The following PID1 variants were observed in gnomAD, a reference collection of about 807,000 sequenced individuals.
PID1 encodes the protein phosphotyrosine interaction domain containing 1, also known as PTB-containing, cubilin and LRP1-interacting protein.
In PID1, 10 loss-of-function variants were observed where a neutral mutation model predicts 19.1. That is an observed-to-expected ratio of 0.52 (90% CI 0.32 to 0.89). The LOEUF is 0.89. PID1 is among the 40% of genes least tolerant of loss of function. The pLI is 0.03. For synonymous variants in PID1, 130 were observed against 116.0 expected (o/e 1.12, Z -0.78); for missense variants, 248 against 285.3 (o/e 0.87, Z 0.94).
At chr2:229,171,427 G>A (rs13035964) in intron 1 of PID1, among the ~76,000 whole-genome samples, 5,888 of 152,206 alleles carry the variant, frequency 0.039, 173 homozygotes, top group Middle Eastern at 0.078. Flanking sequence ...CTTTAGGAAG[G>A]TTAAACAAAA....
At chr2:229,096,184 G>C (rs770200859) in intron 2 of PID1, among the ~76,000 whole-genome samples, 15 of 152,122 alleles carry the variant, frequency 9.9e-5, no homozygotes, top group African/African-American at 1.4e-4. Context: ...CATTCATTTG[G>C]AGGTTGGATC....
intron 1 of PID1, among the ~76,000 whole-genome samples, chr2:229,209,086 T>C (rs910810669): frequency 1.3e-5 from 2 of 152,140 alleles, no homozygotes; most frequent in African/African-American, 2.4e-5. Context: ...TGTCAGACTG[T>C]CAAAGGTTTC....
At chr2:229,164,758 A>G (rs970884094) in intron 1 of PID1, among the ~76,000 whole-genome samples, 1 of 152,184 alleles carries the variant, frequency 6.6e-6, no homozygotes, top group African/African-American at 2.4e-5. Context: ...TCCTGCCTTG[A>G]AACAGTTTGC....
chr2:229,204,710 C>A (rs187872183), intron 1 of PID1, among the ~76,000 whole-genome samples: 1 of 152,008 alleles, frequency 6.6e-6, no homozygotes, highest in Non-Finnish European at 1.5e-5. Flanking sequence ...GGTCCTGATG[C>A]GGGGCTCAAC....
chr2:229,199,745 T>TATATATATATATATAC (rs1491155550), intron 1 of PID1, among the ~76,000 whole-genome samples: 13 of 122,542 alleles, frequency 1.1e-4, no homozygotes, highest in Non-Finnish European at 2.0e-4. Flanking sequence ...TATATATATA[T>TATATATATATATATAC]ACACATACAC....
intron 2 of PID1, among the ~76,000 whole-genome samples, chr2:229,145,972 T>C (rs1690121589): frequency 6.6e-6 from 1 of 152,216 alleles, no homozygotes; most frequent in Admixed American, 6.5e-5. Flanking sequence ...TTTTTCGATT[T>C]TTTAGTAGCT....
chr2:229,172,172 C>T (rs1264915464), intron 1 of PID1, among the ~76,000 whole-genome samples: 6 of 152,260 alleles, frequency 3.9e-5, no homozygotes, highest in African/African-American at 1.4e-4. Flanking sequence ...CTTTGAGTAA[C>T]AGCTAAAAGG....
intron 2 of PID1, among the ~76,000 whole-genome samples, chr2:229,137,692 G>A (rs566904847): frequency 1.5e-4 from 23 of 152,326 alleles, no homozygotes; most frequent in African/African-American, 5.5e-4. Flanking sequence ...ACTTAGAAGT[G>A]CACAGAATAG....
intron 2 of PID1, among the ~76,000 whole-genome samples, chr2:229,077,645 C>T (rs989129142): frequency 6.6e-6 from 1 of 152,146 alleles, no homozygotes; most frequent in African/African-American, 2.4e-5. Context: ...ATAGGTAATC[C>T]TCTCCCAATT....
chr2:229,179,481 G>T lies in PID1; in HGVS notation c.31-23517C>A, dbSNP rs1199310420. 4.6e-5 allele frequency among the ~76,000 whole-genome samples: 7 copies of T among 152,182 alleles called. No homozygotes were observed. In the East Asian group the frequency reaches 1.4e-3, roughly 29 times the overall value. On this transcript the variant is annotated intron_variant, in intron 1 of 2. Coordinates refer to ENST00000392055, the MANE Select transcript of PID1 (RefSeq NM_001100818.2). ...AACAGGAACACCAAAAAGAAAGAGA[G>T]AATTTGGAGGAAAAAAAACTACTCA...
rs60513006 is a variant in PID1, at chr2:229,134,231, G to GTTTTTTTTTTTTTTTTTTTTTTTTTTTT, written c.177+21586_177+21587insAAAAAAAAAAAAAAAAAAAAAAAAAAAA. On this transcript the variant is annotated intron_variant, in intron 2 of 2. Transcript: ENST00000392055. ...TTCAATAACAATGTTTACTACCTGT[G>GTTTTTTTTTTTTTTTTTTTTTTTTTTTT]TTTTTTTTTTTTTTTTTTTTTGAGA... 6.0e-4 allele frequency among the ~76,000 whole-genome samples: 66 copies of GTTTTTTTTTTTTTTTTTTTTTTTTTTTT among 109,192 alleles called. 2 individuals carry two copies. Among genetic ancestry groups the GTTTTTTTTTTTTTTTTTTTTTTTTTTTT allele is most frequent in the East Asian group, 2.2e-3 (7 of 3,200 alleles). 71.6% of individuals were successfully genotyped at this position (109,192 alleles called of 152,430 possible). A position where few individuals can be genotyped will look rare whatever the true frequency, so the allele number is the denominator to read the frequency against.
At chr2:229,270,771 G>A (rs551914307) in intron 1 of PID1, among the ~76,000 whole-genome samples, 1 of 151,680 alleles carries the variant, frequency 6.6e-6, no homozygotes, top group Non-Finnish European at 1.5e-5. Flanking sequence ...CAACCAACAC[G>A]CACACAAGCA....
At chr2:229,104,433 A>G (rs1430976849) in intron 2 of PID1, among the ~76,000 whole-genome samples, 1 of 152,222 alleles carries the variant, frequency 6.6e-6, no homozygotes, top group East Asian at 1.9e-4. Context: ...TGAATAACCA[A>G]CTATATGTTT....
At chr2:229,209,832 T>C (rs1254239098) in intron 1 of PID1, among the ~76,000 whole-genome samples, 1 of 152,170 alleles carries the variant, frequency 6.6e-6, no homozygotes, top group African/African-American at 2.4e-5. Context: ...GGTTCATTTT[T>C]ATTTGTCAAT....
rs548532366 is a variant in PID1, at chr2:229,232,705, T to C, written c.30+38309A>G. 8.4e-4 allele frequency among the ~76,000 whole-genome samples: 125 copies of C among 149,140 alleles called. No individual in the cohort carries two copies. In the Middle Eastern group the frequency reaches 0.021, roughly 25 times the overall value. ...GTATGTATACATACATATATATATA[T>C]ACACACATTCCAATATGATGCATTG... is the stretch of plus-strand genomic sequence containing the variant. On this transcript the variant is annotated intron_variant, in intron 1 of 2. Transcript: ENST00000392055.
intron 2 of PID1, among the ~76,000 whole-genome samples, chr2:229,103,297 T>C (rs1311237783): frequency 6.6e-6 from 1 of 151,984 alleles, no homozygotes; most frequent in African/African-American, 2.4e-5. Context: ...CTGATGTGAG[T>C]CACATTTCGC....
At chr2:229,125,373 G>C (rs1695601838) in intron 2 of PID1, among the ~76,000 whole-genome samples, 1 of 148,636 alleles carries the variant, frequency 6.7e-6, no homozygotes, top group Admixed American at 6.8e-5. Context: ...TGTTACTGCA[G>C]CATAACATTC....
chr2:229,265,313 G>T (rs142533209), intron 1 of PID1, among the ~76,000 whole-genome samples: 43 of 152,346 alleles, frequency 2.8e-4, no homozygotes, highest in African/African-American at 9.9e-4. Context: ...GATCCACGTG[G>T]CATCAGCATT....
At chr2:229,218,604 T>C (rs1171753822) in intron 1 of PID1, among the ~76,000 whole-genome samples, 1 of 152,074 alleles carries the variant, frequency 6.6e-6, no homozygotes, top group African/African-American at 2.4e-5. Context: ...AGAGGACAGG[T>C]AAGCAAATAG....
Sources: gnomAD v4.1 joint callset for allele counts (sites outside exome capture counted in the v4.1 genomes callset) on GRCh38, gnomAD v4.1.1 for gene constraint, MANE v1.5 for transcripts, NCBI Gene and HGNC (gene_info 2026-07-23, HGNC 2026-07-21) for gene names.